Variants in DLGAP2 observed in about 807,000 individuals in gnomAD.
The protein encoded by DLGAP2 is DLG associated protein 2.
Under a neutral mutation model 100.3 loss-of-function variants are expected in DLGAP2, and 26 were observed. The observed-to-expected ratio is 0.26, with a 90% CI of 0.19 to 0.36. The LOEUF (loss-of-function observed/expected upper bound fraction) is 0.36. Among genes scored for constraint, DLGAP2 ranks in the 10% least tolerant of loss-of-function variants. DLGAP2 has a pLI of 1.00. For synonymous variants in DLGAP2, 886 were observed against 630.1 expected (o/e 1.41, Z -6.08); for missense variants, 1,858 against 1,453.2 (o/e 1.28, Z -4.53).
chr8:1,184,937 A>T (rs1179382210), intron 2 of DLGAP2, among the ~76,000 whole-genome samples: 10 of 152,200 alleles, frequency 6.6e-5, no homozygotes, highest in Non-Finnish European at 1.5e-4. Context: ...AACCTGGTGC[A>T]GAAGAGGCAG....
intron 2 of DLGAP2, among the ~76,000 whole-genome samples, chr8:1,198,440 C>A (rs78368789): frequency 6.6e-6 from 1 of 152,128 alleles, no homozygotes; most frequent in South Asian, 2.1e-4. Flanking sequence ...GCGCAGGTGG[C>A]AGCTGCCTCC....
intron 2 of DLGAP2, among the ~76,000 whole-genome samples, chr8:1,097,543 C>T (rs1373454953): frequency 7.1e-6 from 1 of 139,948 alleles, no homozygotes; most frequent in Admixed American, 7.2e-5. Flanking sequence ...CCTCCCTCTG[C>T]TCAGTAGAGT....
chr8:1,351,399 T>C (rs537517100), intron 3 of DLGAP2, among the ~76,000 whole-genome samples: 1 of 36,192 alleles, frequency 2.8e-5, no homozygotes, highest in Non-Finnish European at 5.6e-5. Context: ...CCTGAGTGTG[T>C]GTGGATAGGC....
At chr8:1,443,407 C>T (rs915390416) in intron 3 of DLGAP2, among the ~76,000 whole-genome samples, 1 of 152,116 alleles carries the variant, frequency 6.6e-6, no homozygotes, top group African/African-American at 2.4e-5. Context: ...TTCCCTCTAG[C>T]GGCTGTACAT....
chr8:1,499,384 G>T (rs571174636), intron 3 of DLGAP2, among the ~76,000 whole-genome samples: 1 of 152,296 alleles, frequency 6.6e-6, no homozygotes, highest in East Asian at 1.9e-4. Flanking sequence ...AGGTTGAAGG[G>T]CCCATTGTTT....
chr8:1,147,216 G>C (rs1166603739), intron 2 of DLGAP2, among the ~76,000 whole-genome samples: 2 of 152,048 alleles, frequency 1.3e-5, no homozygotes, highest in African/African-American at 4.8e-5. Flanking sequence ...TTTATCATAG[G>C]TATTCGATAT....
intron 3 of DLGAP2, among the ~76,000 whole-genome samples, chr8:1,472,771 C>A (rs1206713730): frequency 6.6e-6 from 1 of 152,154 alleles, no homozygotes; most frequent in Admixed American, 6.5e-5. Context: ...GACAAGGATG[C>A]ACAGTGAGTT....
chr8:1,539,102 T>A (rs1029470807), intron 4 of DLGAP2, among the ~76,000 whole-genome samples: 8 of 152,128 alleles, frequency 5.3e-5, no homozygotes, highest in Non-Finnish European at 1.2e-4. Context: ...GCCAGGCTGA[T>A]CTTGAACTCT....
intron 8 of DLGAP2, among the ~76,000 whole-genome samples, chr8:1,661,851 A>T (rs1585041766): frequency 6.6e-6 from 1 of 152,230 alleles, no homozygotes; most frequent in African/African-American, 2.4e-5. Flanking sequence ...CTATGGGACA[A>T]TTCAGCCGGT....
intron 2 of DLGAP2, among the ~76,000 whole-genome samples, chr8:1,004,366 A>G (rs1317907825): frequency 1.3e-5 from 2 of 152,230 alleles, no homozygotes; most frequent in Non-Finnish European, 2.9e-5. Flanking sequence ...GGTAAGCTAC[A>G]GTGACATTTT....
At chr8:776,383 C>G (rs1821516224) in intron 1 of DLGAP2, among the ~76,000 whole-genome samples, 1 of 151,748 alleles carries the variant, frequency 6.6e-6, no homozygotes, top group Non-Finnish European at 1.5e-5. Context: ...TATTTCTTGC[C>G]TTCTGCTAGC....
chr8:1,017,806 C>T (rs977383689), intron 2 of DLGAP2, among the ~76,000 whole-genome samples: 1 of 152,224 alleles, frequency 6.6e-6, no homozygotes, highest in Admixed American at 6.5e-5. Flanking sequence ...CACTCCTCTC[C>T]ACGCTACTGG....
Position 1,374,784 on chromosome 8 carries a change from A to G in DLGAP2, c.106+115901A>G, listed in dbSNP as rs544318703. Among the ~76,000 whole-genome samples, 2 of 152,322 alleles carry G rather than the reference A, an allele frequency of 1.3e-5. 1 individual carries two copies. The highest frequency in any genetic ancestry group is 4.8e-5 in the African/African-American group (2 of 41,574). On this transcript the variant is annotated intron_variant, in intron 3 of 14. Coordinates refer to ENST00000637795, the MANE Select transcript of DLGAP2 (RefSeq NM_001346810.2). ...ATCCTGCAGGGCACCGAGGCACCTAACGTCAAGGCTTCAGTCCGAATCGGT... is the reference window on the plus strand; with the variant it reads ...ATCCTGCAGGGCACCGAGGCACCTAGCGTCAAGGCTTCAGTCCGAATCGGT...
rs111966413 is a variant in DLGAP2, at chr8:1,181,201, G to A, written c.74-77650G>A. 4.1e-3 allele frequency among the ~76,000 whole-genome samples: 551 copies of A among 136,018 alleles called. 2 individuals carry two copies. Among genetic ancestry groups the A allele is most frequent in the Middle Eastern group, 0.02 (5 of 246 alleles). The allele number at this position is 136,018 out of a possible 152,430, so 89.2% of individuals were successfully genotyped here. A position where few individuals can be genotyped will look rare whatever the true frequency, so the allele number is the denominator to read the frequency against. ...GAGTGTGGGTGGCTGTGCAAGGGCA[G>A]TACACTTACTGTCGAGTGTGGGTGG... On this transcript the variant is annotated intron_variant, in intron 2 of 14. Transcript: ENST00000637795.
At chr8:1,498,797 G>A (rs1003884795) in intron 3 of DLGAP2, among the ~76,000 whole-genome samples, 3 of 152,202 alleles carry the variant, frequency 2.0e-5, no homozygotes, top group Admixed American at 6.5e-5. Context: ...CAAGAAGGGG[G>A]TGCTGCCCTG....
chr8:1,296,327 G>C (rs767780091), intron 3 of DLGAP2: 1 of 152,014 alleles, frequency 6.6e-6, no homozygotes, highest in African/African-American at 2.4e-5. Context: ...AATAAATTCC[G>C]AGTGCCTTAA....
At chr8:1,313,760 G>T (rs528851490) in intron 3 of DLGAP2, among the ~76,000 whole-genome samples, 77 of 152,208 alleles carry the variant, frequency 5.1e-4, no homozygotes, top group African/African-American at 1.7e-3. Context: ...ATCAGATGTA[G>T]GAAGGCTGAA....
intron 2 of DLGAP2, among the ~76,000 whole-genome samples, chr8:1,025,083 TGC>T (rs1426799556): frequency 2.0e-5 from 3 of 152,008 alleles, no homozygotes; most frequent in Non-Finnish European, 2.9e-5. Flanking sequence ...CATGTGTGTG[TGC>T]GCGTGTATGT....
At chr8:1,287,549 G>A (rs1476562993) in intron 3 of DLGAP2, among the ~76,000 whole-genome samples, 4 of 125,892 alleles carry the variant, frequency 3.2e-5, no homozygotes, top group East Asian at 2.4e-4. Flanking sequence ...GTGTGTATGT[G>A]TGTGTGGTTC....
Sources: gnomAD v4.1 joint callset for allele counts (sites outside exome capture counted in the v4.1 genomes callset) on GRCh38, gnomAD v4.1.1 for gene constraint, MANE v1.5 for transcripts, NCBI Gene and HGNC (gene_info 2026-07-23, HGNC 2026-07-21) for gene names.